The following ZNF423 variants were observed in gnomAD, a reference collection of about 807,000 sequenced individuals.
ZNF423 encodes zinc finger protein 423.
In ZNF423, 12 loss-of-function variants were observed where a neutral mutation model predicts 95.8. The ratio of observed to expected loss-of-function variants is 0.13; its 90% confidence interval spans 0.08 to 0.20. The LOEUF is 0.20. Among genes scored for constraint, ZNF423 ranks in the 10% least tolerant of loss-of-function variants. The pLI is 1.00. For missense variants in ZNF423, 1,316 were observed against 1,737.1 expected (o/e 0.76, Z 4.31); for synonymous variants, 749 against 711.9 (o/e 1.05, Z -0.83).
At chr16:49,542,650 TC>T (rs1438662487) in intron 5 of ZNF423, among the ~76,000 whole-genome samples, 1 of 152,128 alleles carries the variant, frequency 6.6e-6, no homozygotes, top group Non-Finnish European at 1.5e-5. Flanking sequence ...ACGTGATGGC[TC>T]CCATAGCCAG....
intron 5 of ZNF423, among the ~76,000 whole-genome samples, chr16:49,574,275 A>T (rs1970433936): frequency 6.6e-6 from 1 of 152,182 alleles, no homozygotes; most frequent in Non-Finnish European, 1.5e-5. Flanking sequence ...GTCCCAGCTA[A>T]TCAGGAAGCT....
At chr16:49,837,233 C>A (rs754102448) in intron 1 of ZNF423, among the ~76,000 whole-genome samples, 2 of 152,134 alleles carry the variant, frequency 1.3e-5, no homozygotes, top group African/African-American at 2.4e-5. Context: ...ATATGGAGAC[C>A]TTGGAAAGGA....
At chr16:49,809,746 C>T (rs971896523) in intron 1 of ZNF423, among the ~76,000 whole-genome samples, 1 of 152,206 alleles carries the variant, frequency 6.6e-6, no homozygotes, top group Admixed American at 6.5e-5. Context: ...TTCTGATGGC[C>T]TCCAAAGTGC....
In ZNF423 at chr16:49,831,393, T is replaced by G. The variant is rs1344053173; in HGVS notation, c.40+24342A>C. The stretch of plus-strand genomic sequence containing the variant: ...AGAAACAAATCATATAGGGTCAGGG[T>G]TAAGAGGGCAGATCAAATCCCAGTA... On this transcript the variant is annotated intron_variant, in intron 1 of 7. Transcript: ENST00000563137. 2.6e-5 allele frequency among the ~76,000 whole-genome samples: 4 copies of G among 152,164 alleles called. No homozygotes were observed. The East Asian group carries it at 7.7e-4, about 29-fold the overall frequency.
At chr16:49,731,115 T>C (rs2033157388) in intron 2 of ZNF423, 144 bp from the exon 3 acceptor site, 2 of 987,998 alleles carry the variant, frequency 2.0e-6, no homozygotes, top group Non-Finnish European at 2.9e-6. Context: ...AGTATATTAA[T>C]AGATGGGGTT....
At chr16:49,549,766 C>T (rs879282805) in intron 5 of ZNF423, among the ~76,000 whole-genome samples, 16 of 152,224 alleles carry the variant, frequency 1.1e-4, no homozygotes, top group Admixed American at 8.5e-4. Context: ...GATTATGTAA[C>T]TTGCTCAAGA....
At chr16:49,673,101 C>T (rs2030888966) in intron 3 of ZNF423, among the ~76,000 whole-genome samples, 1 of 152,212 alleles carries the variant, frequency 6.6e-6, no homozygotes, top group Admixed American at 6.5e-5. Context: ...TTACTCCCTA[C>T]CTGACACAGT....
intron 1 of ZNF423, among the ~76,000 whole-genome samples, chr16:49,831,187 G>A (rs1321999945): frequency 4.6e-5 from 7 of 152,090 alleles, no homozygotes; most frequent in Non-Finnish European, 7.4e-5. Flanking sequence ...AGAACAAAGC[G>A]TTATGCTTAA....
upstream of ZNF423, chr16:49,857,919 A>T (rs1340988850): frequency 1.3e-5 from 2 of 151,980 alleles, no homozygotes; most frequent in African/African-American, 4.8e-5. The surrounding 1 kb of genome is among the most constrained non-coding windows in gnomAD (Gnocchi z 6.2). Context: ...ACTTGGGAAA[A>T]GTCTTCCCCA....
rs556240878 is a variant in ZNF423, at chr16:49,757,003, C to A, written c.101-26032G>T. On this transcript the variant is annotated intron_variant, in intron 2 of 7. Coordinates refer to ENST00000563137, the MANE Select transcript of ZNF423 (RefSeq NM_001379286.1). Reference sequence around the variant, plus strand: ...CCCCACCTAACTATAGTGAGAAGTCCCATTTTGTGTCACCAACACACAATA... The same window carrying A: ...CCCCACCTAACTATAGTGAGAAGTCACATTTTGTGTCACCAACACACAATA... Among the ~76,000 whole-genome samples, 6 of 152,276 alleles carry A rather than the reference C, an allele frequency of 3.9e-5. No individual in the cohort carries two copies. In the East Asian group the frequency reaches 9.7e-4, roughly 24 times the overall value.
At chr16:49,793,360 G>A (rs544818710) in intron 1 of ZNF423, among the ~76,000 whole-genome samples, 3 of 152,264 alleles carry the variant, frequency 2.0e-5, no homozygotes, top group African/African-American at 7.2e-5. Context: ...TTCTGCTGCC[G>A]AGCCCCACTG....
intron 5 of ZNF423, among the ~76,000 whole-genome samples, chr16:49,624,864 C>T (rs530808835): frequency 9.9e-5 from 15 of 152,276 alleles, no homozygotes; most frequent in East Asian, 1.9e-4. Flanking sequence ...CCTGAAGGAG[C>T]CCAAGAGGGA....
intron 5 of ZNF423, among the ~76,000 whole-genome samples, chr16:49,576,273 C>T (rs1227735414): frequency 3.9e-5 from 6 of 152,180 alleles, no homozygotes; most frequent in African/African-American, 1.4e-4. Flanking sequence ...GGTCCCTGTG[C>T]TCAGGCAGCT....
chr16:49,798,284 G>A (rs1238657455), intron 1 of ZNF423, among the ~76,000 whole-genome samples: 1 of 152,196 alleles, frequency 6.6e-6, no homozygotes, highest in Admixed American at 6.6e-5. Flanking sequence ...GAGGTGGGCA[G>A]ATGGCTTGAG....
At chr16:49,830,530 C>T (rs2035050394) in intron 1 of ZNF423, among the ~76,000 whole-genome samples, 1 of 152,132 alleles carries the variant, frequency 6.6e-6, no homozygotes, top group Admixed American at 6.5e-5. Context: ...GCAGGATGTT[C>T]AAGGGATGCC....
intron 3 of ZNF423, among the ~76,000 whole-genome samples, chr16:49,663,807 C>A (rs2030380552): frequency 6.6e-6 from 1 of 152,146 alleles, no homozygotes; most frequent in South Asian, 2.1e-4. Context: ...GGGTGCACCC[C>A]AGGGCCCTCC....
At chr16:49,762,167 C>T (rs554585280) in intron 2 of ZNF423, among the ~76,000 whole-genome samples, 11 of 152,342 alleles carry the variant, frequency 7.2e-5, no homozygotes, top group African/African-American at 2.6e-4. Context: ...CAGGCTGAGC[C>T]TCCGTGCCCA....
Position 49,603,661 on chromosome 16 carries a change from C to T in ZNF423, c.3601+22509G>A, listed in dbSNP as rs1404258344. ...CTGATCTCAGGTGATCCGCCCACCT[C>T]GGCCTCCCAAAGTCCTGGGATTATG... On this transcript the variant is annotated intron_variant, in intron 5 of 7. Transcript: ENST00000563137. This position sits in a 1 kb window ranked among gnomAD's most constrained non-coding sequence, Gnocchi z 4.1. Among the ~76,000 whole-genome samples, 2 of 152,186 alleles carry T rather than the reference C, an allele frequency of 1.3e-5. No individual in the cohort carries two copies. Among genetic ancestry groups the T allele is most frequent in the East Asian group, 3.8e-4 (2 of 5,198 alleles).
intron 3 of ZNF423, among the ~76,000 whole-genome samples, chr16:49,723,244 C>T (rs1268832209): frequency 6.6e-6 from 1 of 152,110 alleles, no homozygotes; most frequent in Non-Finnish European, 1.5e-5. Context: ...TTTAGGATCC[C>T]ACTAGTATTT....
Sources: gnomAD v4.1 joint callset for allele counts (sites outside exome capture counted in the v4.1 genomes callset) on GRCh38, gnomAD v4.1.1 for gene constraint, Gnocchi (gnomAD v3.1) non-coding constraint, MANE v1.5 for transcripts, NCBI Gene and HGNC (gene_info 2026-07-23, HGNC 2026-07-21) for gene names.